Variants in EXOC6 observed in about 807,000 individuals in gnomAD.
The protein encoded by EXOC6 is SEC15-like 1.
In EXOC6, 60 loss-of-function variants were observed where a neutral mutation model predicts 112.5. That is an observed-to-expected ratio of 0.53 (90% CI 0.43 to 0.66). The LOEUF (loss-of-function observed/expected upper bound fraction) is 0.66. Ranked by LOEUF, EXOC6 falls within the 30% of genes least tolerant of loss-of-function variation. EXOC6 has a pLI of 0.00. For synonymous variants in EXOC6, 295 were observed against 308.0 expected, an observed-to-expected ratio of 0.96 and a Z score of 0.44; for missense variants, 855 against 957.1, an observed-to-expected ratio of 0.89 and a Z score of 1.41.
At position 92,984,510 on chromosome 10, in the gene EXOC6, G is replaced by C. The variant is rs77154184; in HGVS notation, c.1953+10278G>C. Among the ~76,000 whole-genome samples the C allele has an allele frequency of 5.3e-5, 8 of 151,858 alleles. No individual in the cohort carries two copies. The South Asian group carries it at 1.0e-3, about 20-fold the overall frequency. On this transcript the variant is annotated intron_variant, in intron 18 of 21. Transcript: ENST00000260762. The stretch of plus-strand genomic sequence containing the variant: ...GTAGGAACTGTTTCTTGGATCCCAG[G>C]CTTCTTGTTTTTTTGTTTTGTTTTG...
At chr10:92,865,545 C>T (rs565022209) in intron 1 of EXOC6, among the ~76,000 whole-genome samples, 13 of 152,054 alleles carry the variant, frequency 8.5e-5, no homozygotes, top group East Asian at 5.9e-4. Context: ...CGGGCTCAAG[C>T]GATCTCTCGC....
upstream of EXOC6, among the ~76,000 whole-genome samples, chr10:92,831,535 G>A (rs933270846): frequency 2.0e-5 from 3 of 152,074 alleles, no homozygotes; most frequent in African/African-American, 7.2e-5. Flanking sequence ...CCGGGTTCAA[G>A]CAATTCTCCT....
intron 13 of EXOC6, among the ~76,000 whole-genome samples, chr10:92,947,439 A>G (rs1262736611): frequency 1.3e-5 from 2 of 152,236 alleles, no homozygotes; most frequent in African/African-American, 4.8e-5. Flanking sequence ...GAGCACATGG[A>G]TATTTGATGA....
chr10:93,048,201 C>G (rs999498404), intron 20 of EXOC6, among the ~76,000 whole-genome samples: 1 of 151,360 alleles, frequency 6.6e-6, no homozygotes, highest in African/African-American at 2.4e-5. Context: ...CAACATGGCA[C>G]ATGTATACAT....
intron 1 of EXOC6, among the ~76,000 whole-genome samples, chr10:92,861,654 T>C (rs1378842211): frequency 6.6e-6 from 1 of 152,188 alleles, no homozygotes; most frequent in Non-Finnish European, 1.5e-5. Context: ...TCTCAGCTAC[T>C]GCCACTGGGT....
At chr10:93,018,010 CAAAA>C (rs373643138) in intron 20 of EXOC6, among the ~76,000 whole-genome samples, 1 of 91,580 alleles carries the variant, frequency 1.1e-5, no homozygotes, top group Non-Finnish European at 2.3e-5. Context: ...AACTCTGTCT[CAAAA>C]AAAAAAAAAA....
intron 1 of EXOC6, among the ~76,000 whole-genome samples, chr10:92,860,004 A>G (rs1053828394): frequency 2.6e-5 from 4 of 152,240 alleles, no homozygotes; most frequent in Admixed American, 6.5e-5. Context: ...GCAGCTAGAA[A>G]ATATCCAGCC....
chr10:92,918,669 C>A (rs1851254676), intron 7 of EXOC6, among the ~76,000 whole-genome samples: 1 of 152,154 alleles, frequency 6.6e-6, no homozygotes, highest in South Asian at 2.1e-4. Flanking sequence ...AGTGGTCCTT[C>A]TGCTTTGGCC....
intron 16 of EXOC6, 140 bp downstream of exon 16, chr10:92,954,881 C>T (rs1337286449): frequency 9.7e-6 from 5 of 516,174 alleles, no homozygotes; most frequent in Admixed American, 3.9e-5. Context: ...AAAATAAAAA[C>T]ACCAGTGTAA....
rs1425672141 is a variant in EXOC6 at position 93,036,711 on chromosome 10, CAATA to C, written c.2170-20206_2170-20203del. Among the ~76,000 whole-genome samples the C allele has an allele frequency of 3.3e-5, 5 of 152,056 alleles. No homozygotes were observed. In the East Asian group the frequency reaches 9.6e-4, roughly 29 times the overall value. On this transcript the variant is annotated intron_variant, in intron 20 of 21. Transcript: ENST00000260762. ...AGAGATACGTAACTTGGCAATATGA[CAATA>C]AATAAAGCTAACAGATTTATGGAAA...
chr10:92,976,435 T>C (rs1278158641), intron 18 of EXOC6, among the ~76,000 whole-genome samples: 1 of 152,010 alleles, frequency 6.6e-6, no homozygotes, highest in African/African-American at 2.4e-5. Flanking sequence ...CGGTGCAAGA[T>C]GTGCTTTGTT....
At chr10:92,857,758 A>G (rs975156870) in intron 1 of EXOC6, among the ~76,000 whole-genome samples, 6 of 147,622 alleles carry the variant, frequency 4.1e-5, no homozygotes, top group African/African-American at 1.5e-4. Context: ...TTATAATTAC[A>G]TAGTTACCTT....
At chr10:92,863,583 G>T (rs1444928090) in intron 1 of EXOC6, among the ~76,000 whole-genome samples, 1 of 152,060 alleles carries the variant, frequency 6.6e-6, no homozygotes. Context: ...GTTGAGACCA[G>T]CCTGGGCAAC....
chr10:92,974,111 A>G lies in EXOC6; in HGVS notation c.1832A>G (p.Glu611Gly). The change falls in exon 18 of 22, where the codon GAA (glutamate) becomes GGA (glycine). Residue 611 changes from glutamate to glycine, a missense_variant. Coordinates refer to ENST00000260762, the MANE Select transcript of EXOC6 (RefSeq NM_019053.6). ...IYTKLNQKID[E>G]FVQLADYDWT... The stretch of plus-strand genomic sequence containing the variant: ...ACCAAACTGAATCAAAAAATTGATG[A>G]ATTTGTTCAGCTTGCTGATTATGAC... The G allele has an allele frequency of 6.2e-7, 1 of 1,605,192 alleles. No individual in the cohort carries two copies. The highest frequency in any genetic ancestry group is 8.5e-7 in the Non-Finnish European group (1 of 1,178,184).
At chr10:92,854,194 C>T (rs984177786) in intron 1 of EXOC6, among the ~76,000 whole-genome samples, 5 of 152,040 alleles carry the variant, frequency 3.3e-5, no homozygotes, top group Admixed American at 1.3e-4. Flanking sequence ...AATCCCAACA[C>T]TTTGGGAGGC....
Position 92,941,241 on chromosome 10 carries a change from G to A in EXOC6, c.1310+417G>A, listed in dbSNP as rs111314893. Among the ~76,000 whole-genome samples, 483 of 152,272 alleles carry A rather than the reference G, an allele frequency of 3.2e-3. 2 individuals are homozygous for A. Among genetic ancestry groups the A allele is most frequent in the African/African-American group, 0.011 (451 of 41,566 alleles). On this transcript the variant is annotated intron_variant, in intron 13 of 21. Transcript: ENST00000260762. ...AGTGTCTTCAAGGTTCATCCATATT[G>A]TAGCATGTCAGAATTTCATTCCTTT... is the stretch of plus-strand genomic sequence containing the variant.
chr10:92,918,955 G>A (rs1851276156), intron 7 of EXOC6, among the ~76,000 whole-genome samples: 1 of 152,096 alleles, frequency 6.6e-6, no homozygotes, highest in African/African-American at 2.4e-5. Context: ...TTCCTAATGT[G>A]GAATTAGTAT....
chr10:93,052,961 T>C (rs1846369674), intron 20 of EXOC6, among the ~76,000 whole-genome samples: 1 of 152,194 alleles, frequency 6.6e-6, no homozygotes, highest in South Asian at 2.1e-4. Flanking sequence ...GTGTGATTAA[T>C]AACAAACATA....
intron 17 of EXOC6, among the ~76,000 whole-genome samples, chr10:92,962,302 T>A (rs1854046995): frequency 6.6e-6 from 1 of 152,230 alleles, no homozygotes; most frequent in Non-Finnish European, 1.5e-5. Context: ...AAACTGAGTG[T>A]CATTTTTCAC....
Sources: gnomAD v4.1 joint callset for allele counts (sites outside exome capture counted in the v4.1 genomes callset) on GRCh38, gnomAD v4.1.1 for gene constraint, MANE v1.5 for transcripts, NCBI Gene and HGNC (gene_info 2026-07-23, HGNC 2026-07-21) for gene names.